Variants in DOCK3 observed in about 807,000 individuals in gnomAD.
DOCK3 encodes dedicator of cytokinesis 3, also known as dedicator of cytokinesis protein 3.
Under a neutral mutation model 265.6 loss-of-function variants are expected in DOCK3, and 60 were observed. That is an observed-to-expected ratio of 0.23 (90% CI 0.18 to 0.28). DOCK3 has a LOEUF of 0.28. DOCK3 is among the 10% of genes least tolerant of loss of function. The pLI is 1.00. For missense variants in DOCK3, 1,981 were observed against 2,594.3 expected (o/e 0.76, Z 5.14); for synonymous variants, 881 against 938.0 (o/e 0.94, Z 1.11).
At chr3:51,246,641 A>G in intron 21 of DOCK3, 85 bp from the exon 22 acceptor site, 4 of 1,225,466 alleles carry the variant, frequency 3.3e-6, no homozygotes, top group African/African-American at 1.5e-5. Flanking sequence ...ATTATTTCCT[A>G]TTTGCCTAAT....
At chr3:50,774,455 G>A (rs903540308) in intron 1 of DOCK3, among the ~76,000 whole-genome samples, 2 of 151,566 alleles carry the variant, frequency 1.3e-5, no homozygotes, top group African/African-American at 2.4e-5. Flanking sequence ...CAGTTACATG[G>A]CATTTTTTGA....
At chr3:50,713,921 G>T (rs2036935207) in intron 1 of DOCK3, among the ~76,000 whole-genome samples, 1 of 152,096 alleles carries the variant, frequency 6.6e-6, no homozygotes, top group Admixed American at 6.5e-5. Flanking sequence ...AGGGTAGCAG[G>T]CCACCATTAT....
chr3:50,678,305 A>G (rs1296119344), intron 1 of DOCK3, among the ~76,000 whole-genome samples: 1 of 151,984 alleles, frequency 6.6e-6, no homozygotes, highest in African/African-American at 2.4e-5. Context: ...GCATCCTTCC[A>G]TTCTTTATTC....
intron 3 of DOCK3, among the ~76,000 whole-genome samples, chr3:50,875,919 T>C (rs533895081): frequency 1.3e-5 from 2 of 151,616 alleles, no homozygotes; most frequent in East Asian, 1.9e-4. Context: ...TGAGATAATA[T>C]GAAACATTTT....
chr3:51,300,884 C>G (rs1423684351), intron 27 of DOCK3, among the ~76,000 whole-genome samples: 1 of 152,098 alleles, frequency 6.6e-6, no homozygotes, highest in Non-Finnish European at 1.5e-5. Flanking sequence ...TGTATCTCTA[C>G]CAGGTTTTAG....
Position 51,225,728 on chromosome 3 carries a change from T to C in DOCK3, c.1332T>C (p.Ile444=). 1 of 1,613,360 alleles carries C rather than the reference T, an allele frequency of 6.2e-7. No homozygotes were observed. Among genetic ancestry groups the C allele is most frequent in the Non-Finnish European group, 8.5e-7 (1 of 1,179,650 alleles). The change falls in exon 15 of 53, where the codon ATT becomes ATC. Residue 444 remains isoleucine (I), a synonymous_variant. Transcript: ENST00000266037. ...ERGGKSVQKN[I]EVTMYVLYAD... is the part of the protein sequence containing the mutation. ...GAGGAAAGAGTGTACAAAAGAATATTGAAGTGACCATGTATGTGCTTTATG... is the reference window on the plus strand; with the variant it reads ...GAGGAAAGAGTGTACAAAAGAATATCGAAGTGACCATGTATGTGCTTTATG...
intron 1 of DOCK3, among the ~76,000 whole-genome samples, chr3:50,738,239 A>C (rs1018548614): frequency 3.9e-5 from 6 of 152,062 alleles, no homozygotes; most frequent in Non-Finnish European, 8.8e-5. Context: ...GAGCCTGGGT[A>C]TGTGGGTGCT....
chr3:51,026,068 A>G (rs1443343809), intron 5 of DOCK3, among the ~76,000 whole-genome samples: 3 of 152,168 alleles, frequency 2.0e-5, no homozygotes, highest in Non-Finnish European at 1.5e-5. Flanking sequence ...AAAAATTCAC[A>G]GTGTGAATCT....
In DOCK3 at chr3:51,208,853, G is replaced by C. The variant is rs746629423; in HGVS notation, c.1117G>C (p.Ala373Pro). 1 of 1,609,978 alleles carries C rather than the reference G, an allele frequency of 6.2e-7. No homozygotes were observed. The highest frequency in any genetic ancestry group is 8.5e-7 in the Non-Finnish European group (1 of 1,178,332). Residue 373 changes from alanine to proline, a missense_variant, in exon 13 of 53, where the codon GCC (alanine) becomes CCC (proline). Physicochemically the swap from Ala to Pro is conservative, Grantham distance 27 (BLOSUM62 -1). Around this residue, in one of 4 missense-constraint regions of DOCK3, gnomAD observed 456 missense variants for 539.0 expected, o/e 0.85. Transcript: ENST00000266037. ...KSSAKYSAPSASHGLIISLQL... is the reference protein window; with the variant it reads ...KSSAKYSAPSPSHGLIISLQL... ...CAGTGCCAAGTACTCTGCCCCCAGC[G>C]CCAGCCATGGTGAGATACTTCTCTG...
chr3:50,703,053 G>T (rs1212656567), intron 1 of DOCK3, among the ~76,000 whole-genome samples: 1 of 152,084 alleles, frequency 6.6e-6, no homozygotes. Context: ...TATCATGAAG[G>T]ATGCCGAATT....
At chr3:51,123,395 G>A (rs73833987) in intron 9 of DOCK3, among the ~76,000 whole-genome samples, 8,337 of 152,268 alleles carry the variant, frequency 0.055, 810 homozygotes, top group African/African-American at 0.19. Flanking sequence ...AGACAAGGAT[G>A]CTGGACTTAA....
At chr3:51,255,258 C>A (rs2079483101) in intron 22 of DOCK3, among the ~76,000 whole-genome samples, 1 of 152,216 alleles carries the variant, frequency 6.6e-6, no homozygotes, top group South Asian at 2.1e-4. Context: ...ATGGGCTTCC[C>A]TTTGTAGGTA....
rs143887434 is a variant in DOCK3 at position 51,373,709 on chromosome 3, TGAATC to T, written c.5294-759_5294-755del. Among the ~76,000 whole-genome samples the T allele has an allele frequency of 4.4e-3, 675 of 152,268 alleles. 4 individuals are homozygous for T. The highest frequency in any genetic ancestry group is 0.016 in the African/African-American group (648 of 41,544). ...GCAGAGGCCTCACAGGAGTAGAACA[TGAATC>T]AAGTCAACTAAAGAGCCTGAGTTAA... On this transcript the variant is annotated intron_variant, in intron 49 of 52. Transcript: ENST00000266037.
chr3:51,230,971 A>G (rs1409398292), intron 19 of DOCK3, among the ~76,000 whole-genome samples: 2 of 151,930 alleles, frequency 1.3e-5, no homozygotes, highest in Admixed American at 6.6e-5. Context: ...ATACACAGTA[A>G]TAAGATTGCT....
chr3:51,184,335 G>T (rs1461851422), intron 12 of DOCK3, among the ~76,000 whole-genome samples: 2 of 146,802 alleles, frequency 1.4e-5, no homozygotes, highest in African/African-American at 2.5e-5. Flanking sequence ...AAAAAAGAAA[G>T]AAAAAAAACC....
chr3:50,775,946 A>G (rs1366959080), intron 1 of DOCK3, among the ~76,000 whole-genome samples: 2 of 152,112 alleles, frequency 1.3e-5, no homozygotes, highest in Admixed American at 6.6e-5. Context: ...GTGGTATTCC[A>G]TGGTGTATAT....
intron 2 of DOCK3, chr3:50,786,759 C>A: frequency 1.4e-6 from 1 of 737,052 alleles, no homozygotes; most frequent in East Asian, 2.6e-5. Flanking sequence ...GTGTTGAAAT[C>A]CTTGCCACAC....
At chr3:51,221,979 T>C (rs1197061566) in intron 14 of DOCK3, among the ~76,000 whole-genome samples, 1 of 152,196 alleles carries the variant, frequency 6.6e-6, no homozygotes, top group Non-Finnish European at 1.5e-5. Context: ...TCTGGTTTCC[T>C]AGTGTTAAAT....
intron 4 of DOCK3, among the ~76,000 whole-genome samples, chr3:50,907,394 C>G (rs2049580208): frequency 6.6e-6 from 1 of 152,054 alleles, no homozygotes; most frequent in Non-Finnish European, 1.5e-5. Flanking sequence ...GTCTAAGTCT[C>G]TTTGTAGGTC....
Sources: gnomAD v4.1 joint callset for allele counts (sites outside exome capture counted in the v4.1 genomes callset) on GRCh38, gnomAD v4.1.1 for gene constraint, gnomAD v4.1.1 regional missense constraint, MANE v1.5 for transcripts, NCBI Gene and HGNC (gene_info 2026-07-23, HGNC 2026-07-21) for gene names.